The following FCHSD2 variants were observed in gnomAD, a reference collection of about 807,000 sequenced individuals.
FCHSD2 encodes F-BAR and double SH3 domains protein 2.
FCHSD2 carries 38 observed loss-of-function variants against 108.1 expected under a neutral mutation model. That is an observed-to-expected ratio of 0.35 (90% CI 0.27 to 0.46). The LOEUF is 0.46. Among genes scored for constraint, FCHSD2 ranks in the 20% least tolerant of loss-of-function variants. The pLI, the probability that FCHSD2 is intolerant of heterozygous loss-of-function variation, is 1.00. For missense variants in FCHSD2, 751 were observed against 897.8 expected, an observed-to-expected ratio of 0.84 and a Z score of 2.09; for synonymous variants, 279 against 314.7, an observed-to-expected ratio of 0.89 and a Z score of 1.20.
At chr11:73,081,583 A>G (rs113974510) in intron 3 of FCHSD2, among the ~76,000 whole-genome samples, 2,035 of 151,968 alleles carry the variant, frequency 0.013, 46 homozygotes, top group African/African-American at 0.045. Context: ...CTGGAGTCCA[A>G]TGGCACTATC....
At chr11:72,907,217 C>T (rs1261190476) in intron 9 of FCHSD2, among the ~76,000 whole-genome samples, 1 of 152,182 alleles carries the variant, frequency 6.6e-6, no homozygotes, top group Non-Finnish European at 1.5e-5. Context: ...TGCTTATCAG[C>T]TTAAGGAGAT....
intron 8 of FCHSD2, among the ~76,000 whole-genome samples, chr11:72,978,189 G>A (rs769065440): frequency 2.0e-5 from 3 of 151,932 alleles, no homozygotes; most frequent in Admixed American, 6.6e-5. Context: ...GAGGGATAGC[G>A]TTAGGAGATA....
chr11:73,116,735 G>A (rs1032597218), intron 2 of FCHSD2, among the ~76,000 whole-genome samples: 3 of 151,972 alleles, frequency 2.0e-5, no homozygotes, highest in South Asian at 4.1e-4. Flanking sequence ...ACAGGATCTC[G>A]CCATGTTGCC....
chr11:73,120,311 A>C (rs1860701138), intron 2 of FCHSD2, among the ~76,000 whole-genome samples: 2 of 152,260 alleles, frequency 1.3e-5, no homozygotes, highest in South Asian at 4.1e-4. Context: ...TATGTAAACA[A>C]AGGAAAATAA....
At chr11:73,033,723 C>T (rs1858421076) in intron 3 of FCHSD2, among the ~76,000 whole-genome samples, 1 of 152,178 alleles carries the variant, frequency 6.6e-6, no homozygotes, top group Non-Finnish European at 1.5e-5. Flanking sequence ...AAGACCAGGA[C>T]TTTGAAGTCA....
At chr11:72,881,689 T>C (rs1239217493) in intron 12 of FCHSD2, among the ~76,000 whole-genome samples, 1 of 152,216 alleles carries the variant, frequency 6.6e-6, no homozygotes, top group Non-Finnish European at 1.5e-5. Flanking sequence ...AATGGAATAC[T>C]ATTCAGTCAT....
At chr11:72,840,639 C>G (rs1351515279) in intron 19 of FCHSD2, among the ~76,000 whole-genome samples, 1 of 152,162 alleles carries the variant, frequency 6.6e-6, no homozygotes, top group African/African-American at 2.4e-5. Flanking sequence ...CTTTCATAGC[C>G]ATCATCTTGC....
chr11:73,024,529 A>G (rs1449818558), intron 3 of FCHSD2, among the ~76,000 whole-genome samples: 1 of 152,148 alleles, frequency 6.6e-6, no homozygotes, highest in African/African-American at 2.4e-5. Context: ...AGTGGGACTT[A>G]GAAATAAGAA....
At chr11:73,058,498 T>G (rs771683163) in intron 3 of FCHSD2, among the ~76,000 whole-genome samples, 1 of 152,070 alleles carries the variant, frequency 6.6e-6, no homozygotes, top group Non-Finnish European at 1.5e-5. Context: ...ATAGTTAAAT[T>G]AGGGAAAGGC....
intron 14 of FCHSD2, among the ~76,000 whole-genome samples, chr11:72,846,645 A>G (rs996041686): frequency 2.6e-5 from 4 of 152,182 alleles, no homozygotes; most frequent in Non-Finnish European, 5.9e-5. Context: ...TATTAAATAC[A>G]CACATACTCT....
In FCHSD2 at chr11:73,056,693, C is replaced by T. The variant is rs189631801; in HGVS notation, c.165+27002G>A. Among the ~76,000 whole-genome samples, 5 of 152,186 alleles carry T rather than the reference C, an allele frequency of 3.3e-5. 1 individual carries two copies. Among genetic ancestry groups the T allele is most frequent in the African/African-American group, 1.2e-4 (5 of 41,536 alleles). Reference sequence around the variant, plus strand: ...AGGTAGAGAAGAGAGCATAACAGAACAATAAGTCATATGACAGAAACAAAA... The same window carrying T: ...AGGTAGAGAAGAGAGCATAACAGAATAATAAGTCATATGACAGAAACAAAA... On this transcript the variant is annotated intron_variant, in intron 3 of 19. Coordinates refer to ENST00000409418, the MANE Select transcript of FCHSD2 (RefSeq NM_014824.3).
chr11:72,911,684 T>A (rs1039814493), intron 9 of FCHSD2, among the ~76,000 whole-genome samples: 1 of 152,156 alleles, frequency 6.6e-6, no homozygotes, highest in African/African-American at 2.4e-5. Context: ...TTTATTTTTA[T>A]TATTATTATA....
intron 9 of FCHSD2, among the ~76,000 whole-genome samples, chr11:72,919,965 C>T (rs1855947444): frequency 6.6e-6 from 1 of 151,528 alleles, no homozygotes; most frequent in Non-Finnish European, 1.5e-5. Flanking sequence ...AAACAAAAGC[C>T]CTACATATCA....
Position 72,896,581 on chromosome 11 carries a change from T to C in FCHSD2, c.924+5962A>G, listed in dbSNP as rs560042934. 1.2e-3 allele frequency among the ~76,000 whole-genome samples: 182 copies of C among 152,132 alleles called. 2 individuals are homozygous for C. The South Asian group carries it at 0.037, about 31-fold the overall frequency. ...GATGTACAAACTGCCAAGAAGGCCG[T>C]TGATGAGATCCTCTTTGTGGAATAA... On this transcript the variant is annotated intron_variant, in intron 10 of 19. Coordinates refer to ENST00000409418, the MANE Select transcript of FCHSD2 (RefSeq NM_014824.3).
chr11:73,120,348 T>C (rs1231676341), intron 2 of FCHSD2, among the ~76,000 whole-genome samples: 2 of 152,224 alleles, frequency 1.3e-5, no homozygotes, highest in Non-Finnish European at 2.9e-5. Flanking sequence ...ACAATGTACA[T>C]TTTAAAAGTC....
intron 5 of FCHSD2, among the ~76,000 whole-genome samples, chr11:72,991,336 G>C (rs1857410283): frequency 6.6e-6 from 1 of 152,174 alleles, no homozygotes; most frequent in African/African-American, 2.4e-5. Flanking sequence ...AATAGAAAAA[G>C]AGGGAATCCT....
At chr11:73,126,339 T>A (rs1375237211) in intron 2 of FCHSD2, among the ~76,000 whole-genome samples, 2 of 27,658 alleles carry the variant, frequency 7.2e-5, no homozygotes, top group Non-Finnish European at 8.9e-5. Context: ...GATTCCATCT[T>A]AAAAAAAAAA....
chr11:73,138,945 G>A (rs1861184701), intron 2 of FCHSD2, among the ~76,000 whole-genome samples: 1 of 152,042 alleles, frequency 6.6e-6, no homozygotes, highest in African/African-American at 2.4e-5. Context: ...TTTTCTTATG[G>A]CTATGATAAG....
intron 8 of FCHSD2, among the ~76,000 whole-genome samples, chr11:72,977,279 G>C (rs1182793130): frequency 6.6e-6 from 1 of 152,092 alleles, no homozygotes; most frequent in Non-Finnish European, 1.5e-5. Flanking sequence ...ACTGGGCAAA[G>C]ATTTCTTGAG....
Sources: allele counts gnomAD v4.1 joint callset (sites outside exome capture counted in the v4.1 genomes callset), GRCh38; gene constraint gnomAD v4.1.1; transcripts MANE v1.5; gene names NCBI Gene and HGNC (gene_info 2026-07-23, HGNC 2026-07-21).